DLG2: variants seen among roughly 807,000 people sequenced by gnomAD.
The protein encoded by DLG2 is discs large MAGUK scaffold protein 2.
In DLG2, 45 loss-of-function variants were observed where a neutral mutation model predicts 132.5. That is an observed-to-expected ratio of 0.34 (90% CI 0.27 to 0.44). The LOEUF (loss-of-function observed/expected upper bound fraction) is 0.44. Ranked by LOEUF, DLG2 falls within the 20% of genes least tolerant of loss-of-function variation. DLG2 has a pLI of 1.00. For missense variants in DLG2, 1,045 were observed against 1,196.9 expected (o/e 0.87, Z 1.87); for synonymous variants, 424 against 419.6 (o/e 1.01, Z -0.13).
intron 10 of DLG2, among the ~76,000 whole-genome samples, chr11:84,079,274 G>GTTT (rs1457765323): frequency 5.8e-4 from 36 of 61,618 alleles, no homozygotes; most frequent in African/African-American, 8.8e-4. Context: ...TCTATTTTTG[G>GTTT]TTTGTTTTTT....
intron 3 of DLG2, among the ~76,000 whole-genome samples, chr11:85,460,572 C>T (rs961951190): frequency 1.3e-5 from 2 of 152,198 alleles, no homozygotes; most frequent in African/African-American, 2.4e-5. Flanking sequence ...CTAATGTTTC[C>T]ATCTAGATGT....
At chr11:84,969,277 T>G (rs769285999) in intron 6 of DLG2, among the ~76,000 whole-genome samples, 4 of 152,146 alleles carry the variant, frequency 2.6e-5, no homozygotes, top group Non-Finnish European at 5.9e-5. Context: ...GTGACCATAG[T>G]GATGTCACCT....
At chr11:84,267,498 C>T (rs1043622188) in intron 7 of DLG2, among the ~76,000 whole-genome samples, 2 of 152,206 alleles carry the variant, frequency 1.3e-5, no homozygotes, top group East Asian at 1.9e-4. Flanking sequence ...TAGTCACTAA[C>T]TGGCCCCTAT....
At chr11:85,583,118 GTGTGTGTGTGTGTATA>G (rs2078689504) in intron 3 of DLG2, among the ~76,000 whole-genome samples, 1 of 58,500 alleles carries the variant, frequency 1.7e-5, no homozygotes, top group African/African-American at 6.4e-5. Flanking sequence ...GTGTGTGTGT[GTGTGTGTGTGTGTATA>G]TATATATATA....
intron 15 of DLG2, among the ~76,000 whole-genome samples, chr11:83,901,384 T>C (rs2073380618): frequency 6.6e-6 from 1 of 152,116 alleles, no homozygotes; most frequent in South Asian, 2.1e-4. Context: ...ACAAATCTCA[T>C]TTTGTATCTC....
intron 9 of DLG2, among the ~76,000 whole-genome samples, chr11:84,152,849 T>C (rs987209443): frequency 5.9e-5 from 9 of 152,204 alleles, no homozygotes; most frequent in African/African-American, 2.2e-4. Context: ...AGGCCATTTA[T>C]ATTCAAGGTT....
chr11:84,028,970 T>C (rs1020040707), intron 11 of DLG2, among the ~76,000 whole-genome samples: 1 of 152,118 alleles, frequency 6.6e-6, no homozygotes, highest in Non-Finnish European at 1.5e-5. Flanking sequence ...ATATCTGTTA[T>C]ATAATAAGCT....
chr11:85,284,980 T>C (rs1279026606), intron 4 of DLG2, among the ~76,000 whole-genome samples: 1 of 151,944 alleles, frequency 6.6e-6, no homozygotes, highest in African/African-American at 2.4e-5. Context: ...CAACTCAAAC[T>C]ATGACAATTT....
At chr11:83,701,429 T>C (rs993381789) in intron 18 of DLG2, among the ~76,000 whole-genome samples, 1 of 152,202 alleles carries the variant, frequency 6.6e-6, no homozygotes, top group African/African-American at 2.4e-5. Flanking sequence ...TAAACATCTA[T>C]CTTTGTATTC....
At chr11:85,331,829 G>A (rs528400086) in intron 3 of DLG2, among the ~76,000 whole-genome samples, 1 of 152,248 alleles carries the variant, frequency 6.6e-6, no homozygotes, top group Non-Finnish European at 1.5e-5. Flanking sequence ...AGTATTTCAT[G>A]GTGTAAATGT....
intron 3 of DLG2, among the ~76,000 whole-genome samples, chr11:85,343,523 C>G (rs1193778505): frequency 6.6e-6 from 1 of 151,998 alleles, no homozygotes; most frequent in Non-Finnish European, 1.5e-5. Flanking sequence ...TTGAATAAAC[C>G]TGTGAAAGAG....
chr11:85,165,754 G>T (rs1192314785), intron 4 of DLG2, among the ~76,000 whole-genome samples: 1 of 152,046 alleles, frequency 6.6e-6, no homozygotes, highest in Non-Finnish European at 1.5e-5. Flanking sequence ...TATCATCTAA[G>T]CTAACATGCA....
intron 16 of DLG2, among the ~76,000 whole-genome samples, chr11:83,837,949 C>T (rs1293020817): frequency 6.6e-6 from 1 of 152,060 alleles, no homozygotes; most frequent in Admixed American, 6.6e-5. Context: ...ACAGAATTTT[C>T]ATGAAAAGGT....
intron 19 of DLG2, among the ~76,000 whole-genome samples, chr11:83,624,146 G>C (rs933470689): frequency 6.6e-6 from 1 of 152,144 alleles, no homozygotes; most frequent in Admixed American, 6.5e-5. Context: ...GTGAGGTAGA[G>C]GTCTGTGGCT....
At chr11:85,468,123 T>C (rs1475636149) in intron 3 of DLG2, among the ~76,000 whole-genome samples, 1 of 152,116 alleles carries the variant, frequency 6.6e-6, no homozygotes, top group South Asian at 2.1e-4. Context: ...ATTCTCTGAT[T>C]GTAGTTTGTA....
intron 3 of DLG2, among the ~76,000 whole-genome samples, chr11:85,347,262 T>A (rs1012935285): frequency 6.6e-6 from 1 of 151,986 alleles, no homozygotes; most frequent in African/African-American, 2.4e-5. Context: ...TTGTCTTGTT[T>A]CTCCCCCTGA....
chr11:84,119,841 G>A (rs1036335208), intron 9 of DLG2, among the ~76,000 whole-genome samples: 1 of 152,144 alleles, frequency 6.6e-6, no homozygotes, highest in Non-Finnish European at 1.5e-5. Flanking sequence ...TTCTTGAAAA[G>A]CATGAGTGTG....
intron 3 of DLG2, among the ~76,000 whole-genome samples, chr11:85,334,074 G>A (rs1294499111): frequency 6.6e-6 from 1 of 152,002 alleles, no homozygotes; most frequent in Non-Finnish European, 1.5e-5. Flanking sequence ...GCTTTTTCTG[G>A]TTAGTAGGTA....
chr11:84,923,120 G>A, intron 6 of DLG2: 1 of 1,613,784 alleles, frequency 6.2e-7, no homozygotes, highest in South Asian at 1.1e-5. Flanking sequence ...AAAGAACATT[G>A]CAGTAAATAA....
Sources: gnomAD v4.1 joint callset for allele counts (sites outside exome capture counted in the v4.1 genomes callset) on GRCh38, gnomAD v4.1.1 for gene constraint, MANE v1.5 for transcripts, NCBI Gene and HGNC (gene_info 2026-07-23, HGNC 2026-07-21) for gene names.